CHRM3: variants seen among roughly 807,000 people sequenced by gnomAD.
CHRM3 encodes cholinergic receptor muscarinic 3, also known as muscarinic acetylcholine receptor M3.
In CHRM3, 11 loss-of-function variants were observed where a neutral mutation model predicts 41.8. The ratio of observed to expected loss-of-function variants is 0.26; its 90% CI spans 0.17 to 0.44. The LOEUF (loss-of-function observed/expected upper bound fraction) is 0.44, where lower values mean the gene tolerates loss of function less well. CHRM3 is among the 20% of genes least tolerant of loss of function. The pLI is 1.00. For missense variants in CHRM3, 571 were observed against 745.4 expected (o/e 0.77, Z 2.72); for synonymous variants, 297 against 301.4 (o/e 0.99, Z 0.15).
At chr1:239,664,495 A>G (rs1266182846) in intron 4 of CHRM3, among the ~76,000 whole-genome samples, 2 of 152,204 alleles carry the variant, frequency 1.3e-5, no homozygotes, top group Non-Finnish European at 2.9e-5. Context: ...CCTTTTGGAA[A>G]AATGACCTGT....
intron 6 of CHRM3, among the ~76,000 whole-genome samples, chr1:239,889,552 G>GA (rs1222435852): frequency 8.6e-5 from 13 of 151,814 alleles, no homozygotes; most frequent in Non-Finnish European, 1.6e-4. Context: ...CTTTTTATTA[G>GA]AAAAAAAATG....
intron 5 of CHRM3, among the ~76,000 whole-genome samples, chr1:239,688,432 T>TAAATATA (rs1659364453): frequency 7.0e-6 from 1 of 143,678 alleles, no homozygotes; most frequent in Admixed American, 7.3e-5. Flanking sequence ...TATAAATATA[T>TAAATATA]TTACATATCA....
intron 1 of CHRM3, among the ~76,000 whole-genome samples, chr1:239,403,104 G>A (rs1449221654): frequency 6.6e-6 from 1 of 151,970 alleles, no homozygotes; most frequent in Non-Finnish European, 1.5e-5. Context: ...ATACTTATCT[G>A]CCTTTAAATA....
At chr1:239,449,573 A>G (rs547676227) in intron 1 of CHRM3, among the ~76,000 whole-genome samples, 67 of 152,282 alleles carry the variant, frequency 4.4e-4, no homozygotes, top group Non-Finnish European at 6.2e-4. Context: ...TTGGACCGAA[A>G]GTAAAACTGG....
At chr1:239,629,722 C>T (rs974377172) in intron 3 of CHRM3, among the ~76,000 whole-genome samples, 1 of 152,142 alleles carries the variant, frequency 6.6e-6, no homozygotes, top group Non-Finnish European at 1.5e-5. Flanking sequence ...AAAAAGTTAG[C>T]AAAATATCCT....
At chr1:239,615,786 C>A (rs1378366072) in intron 3 of CHRM3, among the ~76,000 whole-genome samples, 6 of 152,126 alleles carry the variant, frequency 3.9e-5, no homozygotes, top group Non-Finnish European at 8.8e-5. Context: ...TGACTCGGAC[C>A]CAAAAGGAGG....
chr1:239,482,839 T>C (rs1031028154), intron 1 of CHRM3, among the ~76,000 whole-genome samples: 5 of 152,246 alleles, frequency 3.3e-5, no homozygotes, highest in Non-Finnish European at 7.3e-5. Context: ...ATGAATAATA[T>C]GATAAGAATT....
At chr1:239,426,468 CAA>C (rs11333335) in intron 1 of CHRM3, among the ~76,000 whole-genome samples, 9,521 of 103,218 alleles carry the variant, frequency 0.092, 405 homozygotes, top group African/African-American at 0.16. Flanking sequence ...ACTCACCCCG[CAA>C]AAAAAAAAAA....
intron 5 of CHRM3, among the ~76,000 whole-genome samples, chr1:239,760,060 A>G (rs939317140): frequency 1.9e-4 from 28 of 146,106 alleles, no homozygotes; most frequent in East Asian, 1.4e-3. Flanking sequence ...GACTACAGGC[A>G]CCCGCCACCA....
chr1:239,574,207 A>G (rs1367635953), intron 3 of CHRM3, among the ~76,000 whole-genome samples: 1 of 152,192 alleles, frequency 6.6e-6, no homozygotes, highest in Non-Finnish European at 1.5e-5. Flanking sequence ...GCTCAGCCAG[A>G]GAGTGATACC....
At chr1:239,629,387 C>T (rs1573011326) in intron 3 of CHRM3, 2 of 135,912 alleles carry the variant, frequency 1.5e-5, no homozygotes, top group East Asian at 4.5e-4. Flanking sequence ...ACACACTGGC[C>T]TGCGCCCACT....
At chr1:239,738,930 T>G (rs1212266954) in intron 5 of CHRM3, among the ~76,000 whole-genome samples, 1 of 152,210 alleles carries the variant, frequency 6.6e-6, no homozygotes. Context: ...TAAGGCACAG[T>G]GCATGCAATA....
chr1:239,699,016 A>C (rs1161571511), intron 5 of CHRM3, among the ~76,000 whole-genome samples: 4 of 152,224 alleles, frequency 2.6e-5, no homozygotes, highest in Non-Finnish European at 5.9e-5. Context: ...AAGAAGAAAA[A>C]AATGAGACCT....
intron 5 of CHRM3, among the ~76,000 whole-genome samples, chr1:239,716,356 G>T (rs780079295): frequency 6.6e-5 from 10 of 152,098 alleles, no homozygotes; most frequent in Non-Finnish European, 1.3e-4. Flanking sequence ...CAAGTTTGGG[G>T]TCTCCATGAT....
intron 5 of CHRM3, among the ~76,000 whole-genome samples, chr1:239,699,598 T>G (rs1489755469): frequency 1.3e-5 from 2 of 152,184 alleles, no homozygotes; most frequent in African/African-American, 4.8e-5. Flanking sequence ...TTGAGCAGAC[T>G]AAGACAAGTG....
chr1:239,695,961 T>C (rs1660145254), intron 5 of CHRM3, among the ~76,000 whole-genome samples: 1 of 152,202 alleles, frequency 6.6e-6, no homozygotes, highest in African/African-American at 2.4e-5. Context: ...TGTATACGCA[T>C]TGTTATATAT....
intron 5 of CHRM3, among the ~76,000 whole-genome samples, chr1:239,687,007 TA>T (rs968720443): frequency 6.6e-6 from 1 of 152,076 alleles, no homozygotes; most frequent in Non-Finnish European, 1.5e-5. Flanking sequence ...GATGCTCTCT[TA>T]AGAAAAATAG....
chr1:239,888,416 C>A (rs1239519020), intron 6 of CHRM3, among the ~76,000 whole-genome samples: 1 of 151,322 alleles, frequency 6.6e-6, no homozygotes, highest in Admixed American at 6.6e-5. Flanking sequence ...CATAGCAAGA[C>A]CCTGTCACTC....
intron 5 of CHRM3, among the ~76,000 whole-genome samples, chr1:239,810,962 C>T (rs954326998): frequency 9.2e-5 from 14 of 152,190 alleles, no homozygotes; most frequent in African/African-American, 3.4e-4. Flanking sequence ...TCCTTGGAAT[C>T]GCCATAAGTT....
Sources: gnomAD v4.1 joint callset for allele counts (sites outside exome capture counted in the v4.1 genomes callset) on GRCh38, gnomAD v4.1.1 for gene constraint, MANE v1.5 for transcripts, NCBI Gene and HGNC (gene_info 2026-07-23, HGNC 2026-07-21) for gene names.